Variants in ANKRD12 observed in about 807,000 individuals in gnomAD.
ANKRD12 encodes the protein ankyrin repeat domain-containing protein 12.
ANKRD12 carries 85 observed loss-of-function variants against 183.4 expected under a neutral mutation model. The observed-to-expected ratio is 0.46, with a 90% CI of 0.39 to 0.56. The LOEUF is 0.56. ANKRD12 is among the 20% of genes least tolerant of loss of function. ANKRD12 has a pLI of 0.00. For synonymous variants in ANKRD12, 914 were observed against 800.2 expected (o/e 1.14, Z -2.40); for missense variants, 2,405 against 2,357.1 (o/e 1.02, Z -0.42).
chr18:9,257,828 A>G lies in ANKRD12; in HGVS notation c.4561A>G (p.Ile1521Val). ...ATATGTTGCTAATCAAGAGCCAGGTATTTTACAACAAAAAAATGCAGTTCA... is the reference window on the plus strand; with the variant it reads ...ATATGTTGCTAATCAAGAGCCAGGTGTTTTACAACAAAAAAATGCAGTTCA... ...LSYVANQEPG[I>V]LQQKNAVQII... The change falls in exon 9 of 13, where the codon ATT becomes GTT. Residue 1521 changes from isoleucine (I) to valine (V), a missense_variant. Around this residue, in one of 7 missense-constraint regions of ANKRD12, gnomAD observed 1,983 missense variants for 1,725.9 expected, o/e 1.15. Transcript: ENST00000262126. The G allele has an allele frequency of 6.2e-7, 1 of 1,613,752 alleles. No homozygotes were observed. Among genetic ancestry groups the G allele is most frequent in the Non-Finnish European group, 8.5e-7 (1 of 1,179,902 alleles).
At chr18:9,238,612 A>G (rs2037481157) in intron 8 of ANKRD12, among the ~76,000 whole-genome samples, 1 of 152,092 alleles carries the variant, frequency 6.6e-6, no homozygotes, top group South Asian at 2.1e-4. Flanking sequence ...TTGAGCACTC[A>G]TTATAGGTTA....
chr18:9,167,222 A>G (rs1380363933), intron 1 of ANKRD12, among the ~76,000 whole-genome samples: 3 of 151,380 alleles, frequency 2.0e-5, no homozygotes, highest in Non-Finnish European at 4.4e-5. Context: ...TTCCATATGA[A>G]CTTTAAAGTA....
chr18:9,267,266 C>A (rs933450427), intron 10 of ANKRD12, among the ~76,000 whole-genome samples: 5 of 152,078 alleles, frequency 3.3e-5, no homozygotes, highest in Non-Finnish European at 2.9e-5. Context: ...CTGCACCAAG[C>A]GGACCTCATA....
chr18:9,244,129 C>T (rs187508004), intron 8 of ANKRD12, among the ~76,000 whole-genome samples: 44 of 152,140 alleles, frequency 2.9e-4, no homozygotes, highest in Middle Eastern at 3.4e-3. Context: ...AGCGAAATTC[C>T]GTCTCAAAAA....
intron 12 of ANKRD12, 69 bp from the exon 13 acceptor site, chr18:9,280,872 A>T: frequency 6.8e-7 from 1 of 1,462,298 alleles, no homozygotes; most frequent in Non-Finnish European, 9.4e-7. Flanking sequence ...AAGAAACTGG[A>T]TGAGATTAAT....
chr18:9,173,663 G>A (rs1014367286), intron 1 of ANKRD12, among the ~76,000 whole-genome samples: 1 of 151,930 alleles, frequency 6.6e-6, no homozygotes, highest in Admixed American at 6.6e-5. Flanking sequence ...CAGCCTGGAT[G>A]CTGCTGTAGA....
intron 2 of ANKRD12, among the ~76,000 whole-genome samples, chr18:9,186,586 C>T (rs2034079517): frequency 2.0e-5 from 3 of 152,054 alleles, no homozygotes; most frequent in Non-Finnish European, 1.5e-5. Flanking sequence ...TATTTAACCC[C>T]TTATTTTACC....
chr18:9,270,884 A>G (rs967272132), intron 10 of ANKRD12, among the ~76,000 whole-genome samples: 1 of 152,216 alleles, frequency 6.6e-6, no homozygotes, highest in Non-Finnish European at 1.5e-5. Flanking sequence ...CTTGAGGGCA[A>G]CTTTAAATGT....
rs756073290 is a variant in ANKRD12 at position 9,255,626 on chromosome 18, T to A, written c.2359T>A (p.Ser787Thr). 5 of 1,571,490 alleles carry A rather than the reference T, an allele frequency of 3.2e-6. No homozygotes were observed. The highest frequency in any genetic ancestry group is 4.3e-6 in the Non-Finnish European group (5 of 1,168,842). The change falls in exon 9 of 13, where the codon TCT becomes ACT. Residue 787 changes from serine to threonine, a missense_variant. Physicochemically the swap from Ser to Thr is moderately conservative, Grantham distance 58. Around this residue, in one of 7 missense-constraint regions of ANKRD12, gnomAD observed 1,983 missense variants for 1,725.9 expected, o/e 1.15. Coordinates refer to ENST00000262126, the MANE Select transcript of ANKRD12 (RefSeq NM_015208.5). ...IPTDKDSEFT[S>T]LGMSAIEESI... is the part of the protein sequence containing the mutation. The stretch of plus-strand genomic sequence containing the variant: ...CACAGATAAAGACTCAGAATTTACT[T>A]CTTTGGGTATGAGTGCCATTGAGGA...
chr18:9,199,409 T>TCC (rs2035037913), intron 3 of ANKRD12, among the ~76,000 whole-genome samples: 1 of 152,222 alleles, frequency 6.6e-6, no homozygotes, highest in Non-Finnish European at 1.5e-5. Context: ...ACATGATGTA[T>TCC]ATTAACACAT....
intron 1 of ANKRD12, among the ~76,000 whole-genome samples, chr18:9,181,649 T>C (rs1423772783): frequency 6.6e-6 from 1 of 152,214 alleles, no homozygotes; most frequent in Admixed American, 6.5e-5. Flanking sequence ...ATGTAGGTAA[T>C]AGATTATCTG....
intron 1 of ANKRD12, among the ~76,000 whole-genome samples, chr18:9,142,617 C>G (rs758180265): frequency 1.3e-5 from 2 of 152,212 alleles, no homozygotes; most frequent in Non-Finnish European, 2.9e-5. Flanking sequence ...TGCAGTAGGT[C>G]ACTCCTGTAA....
chr18:9,211,961 A>G (rs898069364), intron 6 of ANKRD12, among the ~76,000 whole-genome samples, 177 bp downstream of exon 6: 2 of 152,108 alleles, frequency 1.3e-5, no homozygotes, highest in Non-Finnish European at 2.9e-5. Context: ...CTACAATTCC[A>G]TGTCAATAAT....
chr18:9,215,743 T>TA (rs34067595), intron 6 of ANKRD12, among the ~76,000 whole-genome samples: 119,060 of 152,012 alleles, frequency 0.78, 46,854 homozygotes, highest in Middle Eastern at 0.88. Context: ...CCAGATGTTG[T>TA]CATGACGTCA....
intron 4 of ANKRD12, 91 bp from the exon 5 acceptor site, chr18:9,208,566 A>G (rs891093564): frequency 1.8e-6 from 2 of 1,084,030 alleles, no homozygotes; most frequent in Non-Finnish European, 1.3e-6. Flanking sequence ...TCTCATATAT[A>G]TGTACAGCAT....
chr18:9,170,445 C>G (rs1033021020), intron 1 of ANKRD12, among the ~76,000 whole-genome samples: 1 of 152,124 alleles, frequency 6.6e-6, no homozygotes, highest in African/African-American at 2.4e-5. Flanking sequence ...CTTCTTGCTT[C>G]ATTTCATTCA....
At chr18:9,239,242 C>T (rs910621614) in intron 8 of ANKRD12, among the ~76,000 whole-genome samples, 1 of 152,168 alleles carries the variant, frequency 6.6e-6, no homozygotes, top group Non-Finnish European at 1.5e-5. Context: ...TCTCAAAAAT[C>T]GCTACTAATT....
intron 8 of ANKRD12, among the ~76,000 whole-genome samples, chr18:9,226,296 G>A (rs971991605): frequency 2.6e-5 from 4 of 151,976 alleles, no homozygotes; most frequent in Admixed American, 1.3e-4. Flanking sequence ...GTGGTGGTGC[G>A]TGCCTGTAGT....
intron 10 of ANKRD12, among the ~76,000 whole-genome samples, chr18:9,274,354 A>G (rs2039733594): frequency 6.6e-6 from 1 of 152,264 alleles, no homozygotes; most frequent in Admixed American, 6.5e-5. Context: ...CATACTTTTC[A>G]GCCACAAAAT....
Sources: gnomAD v4.1 joint callset for allele counts (sites outside exome capture counted in the v4.1 genomes callset) on GRCh38, gnomAD v4.1.1 for gene constraint, gnomAD v4.1.1 regional missense constraint, MANE v1.5 for transcripts, NCBI Gene and HGNC (gene_info 2026-07-23, HGNC 2026-07-21) for gene names.